MAP1B: variants seen among roughly 807,000 people sequenced by gnomAD.
MAP1B encodes the protein microtubule associated protein 1B.
In MAP1B, 12 loss-of-function variants were observed where a neutral mutation model predicts 176.1. That is an observed-to-expected ratio of 0.07 (90% CI 0.04 to 0.11). MAP1B has a LOEUF of 0.11. Among genes scored for constraint, MAP1B ranks in the 10% least tolerant of loss-of-function variants. The pLI is 1.00. For missense variants in MAP1B, 2,523 were observed against 2,990.5 expected, an observed-to-expected ratio of 0.84 and a Z score of 3.65; for synonymous variants, 1,044 against 1,135.0, an observed-to-expected ratio of 0.92 and a Z score of 1.61.
In MAP1B at chr5:72,204,518, A is replaced by G. The variant is rs1747400845; in HGVS notation, c.7252-566A>G. On this transcript the variant is annotated intron_variant, in intron 6 of 6. Coordinates refer to ENST00000296755, the MANE Select transcript of MAP1B (RefSeq NM_005909.5). The surrounding 1 kb of genome is among the most constrained non-coding windows in gnomAD (Gnocchi z 4.4). ...TATTATATAGAATTACTTGTTATTT[A>G]ATCATATGAAATCTAATGAGAGGCA... Among the ~76,000 whole-genome samples, 1 of 152,234 alleles carries G rather than the reference A, an allele frequency of 6.6e-6. No individual in the cohort carries two copies. Among genetic ancestry groups the G allele is most frequent in the Admixed American group, 6.5e-5 (1 of 15,284 alleles).
chr5:72,201,682 C>T lies in MAP1B; in HGVS notation c.7012+1315C>T, dbSNP rs1167539719. 4.6e-5 allele frequency among the ~76,000 whole-genome samples: 7 copies of T among 152,290 alleles called. No individual in the cohort carries two copies. The East Asian group carries it at 1.2e-3, about 25-fold the overall frequency. ...GCACAACATAATTTAAATAACATTG[C>T]CCTGATTTATTAGGGAAAATCTGAT... is the stretch of plus-strand genomic sequence containing the variant. On this transcript the variant is annotated intron_variant, in intron 5 of 6. Coordinates refer to ENST00000296755, the MANE Select transcript of MAP1B (RefSeq NM_005909.5).
chr5:72,177,355 G>A (rs893763039), intron 2 of MAP1B, among the ~76,000 whole-genome samples: 4 of 152,106 alleles, frequency 2.6e-5, no homozygotes, highest in Non-Finnish European at 5.9e-5. Context: ...TGTTTTTCGT[G>A]CTTAGAAATG....
rs115080296 is a variant in MAP1B at position 72,173,819 on chromosome 5, C to G, written c.287-9924C>G. Among the ~76,000 whole-genome samples the G allele has an allele frequency of 8.3e-3, 1,260 of 152,266 alleles. 18 individuals are homozygous for G. The highest frequency in any genetic ancestry group is 0.029 in the African/African-American group (1,191 of 41,540). ...GAAAAGAGAGTGGGGATCACGAGTC[C>G]TGTGGACTGGATTTAAAACCTAGTT... On this transcript the variant is annotated intron_variant, in intron 2 of 6. Coordinates refer to ENST00000296755, the MANE Select transcript of MAP1B (RefSeq NM_005909.5).
intron 2 of MAP1B, among the ~76,000 whole-genome samples, chr5:72,122,978 C>T (rs370257401): frequency 6.6e-6 from 1 of 152,104 alleles, no homozygotes; most frequent in African/African-American, 2.4e-5. Context: ...AAGTATGCAG[C>T]AACAGCAAAC....
intron 2 of MAP1B, among the ~76,000 whole-genome samples, chr5:72,178,254 C>T (rs1410975877): frequency 6.6e-5 from 10 of 152,180 alleles, no homozygotes; most frequent in South Asian, 2.1e-4. Context: ...CCACCTGCCT[C>T]GGCCTCCCAA....
rs1746904720 is a variant in MAP1B, at chr5:72,186,680, A to G, written c.436A>G (p.Asn146Asp). 1 of 1,613,664 alleles carries G rather than the reference A, an allele frequency of 6.2e-7. No individual in the cohort carries two copies. The highest frequency in any genetic ancestry group is 1.7e-5 in the Admixed American group (1 of 59,996). Residue 146 changes from asparagine (N) to aspartate (D), a missense_variant, in exon 4 of 7, where the codon AAT (asparagine) becomes GAT (aspartate). Around this residue, in one of 4 missense-constraint regions of MAP1B, gnomAD observed 307 missense variants for 438.4 expected, o/e 0.70. Transcript: ENST00000296755. The surrounding 1 kb of genome is among the most constrained non-coding windows in gnomAD (Gnocchi z 4.3). ...CGTGCTGACCGGGCAGTGCTTTGAA[A>G]ATACCGGAGAGCTCATTCTCCAGTC... is the stretch of plus-strand genomic sequence containing the variant. ...LLVLTGQCFENTGELILQSGS... is the reference protein window; with the variant it reads ...LLVLTGQCFEDTGELILQSGS...
intron 2 of MAP1B, among the ~76,000 whole-genome samples, chr5:72,149,101 G>C (rs144031137): frequency 2.1e-4 from 32 of 152,260 alleles, no homozygotes; most frequent in African/African-American, 7.7e-4. Context: ...GCACAATGCT[G>C]GCACATAGTG....
Position 72,208,937 on chromosome 5 carries a change from C to G in MAP1B, c.*3698C>G, listed in dbSNP as rs1399219157. 1.3e-5 allele frequency: 2 copies of G among 151,994 alleles called. No homozygotes were observed. The highest frequency in any genetic ancestry group is 2.9e-5 in the Non-Finnish European group (2 of 68,006). The allele number at this position is 151,994 out of a possible 1,614,324, so 9.4% of individuals were successfully genotyped here. A position where few individuals can be genotyped will look rare whatever the true frequency, so the allele number is the denominator to read the frequency against. On this transcript the variant is annotated 3_prime_UTR_variant, in exon 7 of 7. Coordinates refer to ENST00000296755, the MANE Select transcript of MAP1B (RefSeq NM_005909.5). Reference sequence around the variant, plus strand: ...GATTTAGAAGAAAAGATCCTGTTTCCATTTGAAAGGAACTGTAAGCTTTTA... The same window carrying G: ...GATTTAGAAGAAAAGATCCTGTTTCGATTTGAAAGGAACTGTAAGCTTTTA...
chr5:72,171,073 C>T (rs1358484131), intron 2 of MAP1B, among the ~76,000 whole-genome samples: 1 of 152,132 alleles, frequency 6.6e-6, no homozygotes, highest in African/African-American at 2.4e-5. Context: ...TGCTGCGTGT[C>T]AGGACAACAT....
rs750497696 is a variant in MAP1B, at chr5:72,195,482, C to CAAGAAGGAAGTTAAGAAGGAAGAG, written c.2139_2162dup (p.Lys719_Lys726dup). On this transcript the variant is annotated inframe_insertion, in exon 5 of 7. Coordinates refer to ENST00000296755, the MANE Select transcript of MAP1B (RefSeq NM_005909.5). ...AGAAAGAAACACCGCCAAAGGAAGT[C>CAAGAAGGAAGTTAAGAAGGAAGAG]AAGAAGGAAGTTAAGAAGGAAGAGA... 6.3e-7 allele frequency: 1 copy of CAAGAAGGAAGTTAAGAAGGAAGAG among 1,587,136 alleles called. No individual in the cohort carries two copies. The highest frequency in any genetic ancestry group is 8.5e-7 in the Non-Finnish European group (1 of 1,172,676).
chr5:72,144,758 G>A (rs7715745), intron 2 of MAP1B, among the ~76,000 whole-genome samples: 1,524 of 152,226 alleles, frequency 0.01, 23 homozygotes, highest in African/African-American at 0.034. Flanking sequence ...GAAGTGTTAC[G>A]CTTGGGTCTT....
intron 2 of MAP1B, among the ~76,000 whole-genome samples, chr5:72,135,135 A>C (rs1745813939): frequency 6.6e-6 from 1 of 151,736 alleles, no homozygotes; most frequent in Admixed American, 6.6e-5. Flanking sequence ...GCAATCTAAC[A>C]ATAACCCTGA....
In MAP1B at chr5:72,198,338, C is replaced by T. The variant is rs1361861484; in HGVS notation, c.4983C>T (p.Asp1661=). 6.2e-7 allele frequency: 1 copy of T among 1,614,204 alleles called. No homozygotes were observed. The highest frequency in any genetic ancestry group is 1.1e-5 in the South Asian group (1 of 91,082). The part of the protein sequence containing the change: ...QESPEQSLAM[D]FSRQSPDHPT... ...CTCCTGAGCAATCCCTTGCTATGGA[C>T]TTCAGTCGACAGTCTCCAGATCACC... The change falls in exon 5 of 7, where the codon GAC becomes GAT. Residue 1661 remains aspartate, a synonymous_variant. Coordinates refer to ENST00000296755, the MANE Select transcript of MAP1B (RefSeq NM_005909.5).
rs538838342 is a variant in MAP1B at position 72,156,342 on chromosome 5, A to G, written c.287-27401A>G. Among the ~76,000 whole-genome samples, 3 of 152,356 alleles carry G rather than the reference A, an allele frequency of 2.0e-5. No homozygotes were observed. The East Asian group carries it at 5.8e-4, about 29-fold the overall frequency. On this transcript the variant is annotated intron_variant, in intron 2 of 6. Transcript: ENST00000296755. ...GGATAAACATTAAAGGTAGCAGCAA[A>G]AAATAGAAACCTGTCTGACTAAGTG...
chr5:72,151,857 C>T (rs1746146053), intron 2 of MAP1B, among the ~76,000 whole-genome samples: 1 of 152,180 alleles, frequency 6.6e-6, no homozygotes. Context: ...TTTGACATTT[C>T]ACAGTGATTC....
chr5:72,202,337 G>T (rs1747349979), intron 5 of MAP1B, among the ~76,000 whole-genome samples: 1 of 152,194 alleles, frequency 6.6e-6, no homozygotes, highest in African/African-American at 2.4e-5. Flanking sequence ...TGGATATTTT[G>T]AGGGCTTTCG....
Position 72,176,196 on chromosome 5 carries a change from C to A in MAP1B, c.287-7547C>A, listed in dbSNP as rs142985341. 4.3e-3 allele frequency among the ~76,000 whole-genome samples: 649 copies of A among 151,910 alleles called. 5 individuals are homozygous for A. Among genetic ancestry groups the A allele is most frequent in the Admixed American group, 7.1e-3 (108 of 15,270 alleles). ...GCCATAGTGCCCTGCTGGGTCCACACACACGTGTGTGCACGCACACACTCA... is the reference window on the plus strand; with the variant it reads ...GCCATAGTGCCCTGCTGGGTCCACAAACACGTGTGTGCACGCACACACTCA... On this transcript the variant is annotated intron_variant, in intron 2 of 6. Transcript: ENST00000296755.
chr5:72,171,907 G>A (rs1437309777), intron 2 of MAP1B, among the ~76,000 whole-genome samples: 3 of 152,290 alleles, frequency 2.0e-5, no homozygotes, highest in African/African-American at 4.8e-5. Flanking sequence ...TGATTCTGTC[G>A]TCACTTACGA....
Position 72,195,263 on chromosome 5 carries a change from G to A in MAP1B, c.1908G>A (p.Lys636=), listed in dbSNP as rs1747128723. The change falls in exon 5 of 7, where the codon AAG becomes AAA. Residue 636 remains lysine (K), a synonymous_variant. Transcript: ENST00000296755. ...TDVKPKAAKE[K]TVKKETKVKP... is the part of the protein sequence containing the mutation. The stretch of plus-strand genomic sequence containing the variant: ...TCAAACCCAAAGCTGCCAAGGAGAA[G>A]ACGGTGAAAAAGGAAACAAAGGTAA... 3 of 1,613,648 alleles carry A rather than the reference G, an allele frequency of 1.9e-6. No individual in the cohort carries two copies. The East Asian group carries it at 6.7e-5, about 36-fold the overall frequency.
Sources: allele counts gnomAD v4.1 joint callset (sites outside exome capture counted in the v4.1 genomes callset), GRCh38; gene constraint gnomAD v4.1.1; regional missense constraint gnomAD v4.1.1; non-coding constraint Gnocchi (gnomAD v3.1); transcripts MANE v1.5; gene names NCBI Gene and HGNC (gene_info 2026-07-23, HGNC 2026-07-21).